Variants in POLR2F observed in about 807,000 individuals in gnomAD.
The protein encoded by POLR2F is RNA polymerase II, I and III subunit F.
Under a neutral mutation model 22.7 loss-of-function variants are expected in POLR2F, and 12 were observed. That is an observed-to-expected ratio of 0.53 (90% CI 0.34 to 0.86). The LOEUF (loss-of-function observed/expected upper bound fraction) is 0.86. POLR2F is among the 40% of genes least tolerant of loss of function. The pLI is 0.02. For missense variants in POLR2F, 126 were observed against 171.5 expected, an observed-to-expected ratio of 0.73 and a Z score of 1.48; for synonymous variants, 57 against 66.0, an observed-to-expected ratio of 0.86 and a Z score of 0.66.
chr22:38,020,252 C>T (rs1344626554), intron 1 of POLR2F, among the ~76,000 whole-genome samples: 4 of 150,620 alleles, frequency 2.7e-5, no homozygotes, highest in Admixed American at 6.6e-5. Context: ...TATATATACA[C>T]ATATATATAC....
intron 1 of POLR2F, among the ~76,000 whole-genome samples, chr22:38,023,115 C>T (rs1301867669): frequency 6.6e-6 from 1 of 152,182 alleles, no homozygotes; most frequent in Non-Finnish European, 1.5e-5. Flanking sequence ...TTGGGGTGTC[C>T]CAGCCGTCTC....
At chr22:37,975,891 T>A (rs1364949621) in intron 4 of POLR2F, among the ~76,000 whole-genome samples, 2 of 152,014 alleles carry the variant, frequency 1.3e-5, no homozygotes, top group African/African-American at 4.8e-5. Context: ...CCTCTGGATC[T>A]CACACAGACT....
rs150141736 is a variant in POLR2F, at chr22:38,017,164, C to T, written c.121-8705C>T. Among the ~76,000 whole-genome samples the T allele has an allele frequency of 2.0e-4, 30 of 152,316 alleles. No individual in the cohort carries two copies. The highest frequency in any genetic ancestry group is 6.7e-4 in the African/African-American group (28 of 41,578). On this transcript the variant is annotated intron_variant, in intron 1 of 2. Coordinates refer to the POLR2F transcript ENST00000333418. This position sits in a 1 kb window ranked among gnomAD's most constrained non-coding sequence, Gnocchi z 4.1. ...CTTGCTGTGCCACCCAAGGCAGCCT[C>T]TCTAGGTCTGGGTGCCTAAAGCCTG...
At chr22:37,965,909 G>A (rs57572569) in intron 3 of POLR2F, among the ~76,000 whole-genome samples, 5,333 of 152,236 alleles carry the variant, frequency 0.035, 303 homozygotes, top group African/African-American at 0.12. Context: ...GGAATCATCA[G>A]GGGTGGCTTC....
intron 2 of POLR2F, among the ~76,000 whole-genome samples, chr22:37,957,671 T>C (rs1931454115): frequency 6.6e-6 from 1 of 152,188 alleles, no homozygotes; most frequent in South Asian, 2.1e-4. Context: ...TTCCCATCCC[T>C]GTCATGTAGA....
rs541207156 is a variant in POLR2F at position 38,004,687 on chromosome 22, G to A, written c.120+18375G>A. Among the ~76,000 whole-genome samples, 7 of 152,340 alleles carry A rather than the reference G, an allele frequency of 4.6e-5. No homozygotes were observed. The South Asian group carries it at 1.4e-3, about 32-fold the overall frequency. ...AGGCTGGCCGCATTGGTTCATGCCTGTAATCCTAATACTTTGGGGGGCCAA... is the reference window on the plus strand; with the variant it reads ...AGGCTGGCCGCATTGGTTCATGCCTATAATCCTAATACTTTGGGGGGCCAA... On this transcript the variant is annotated intron_variant, in intron 1 of 2. Transcript: ENST00000333418.
chr22:38,011,241 A>G (rs1019551361), intron 1 of POLR2F, among the ~76,000 whole-genome samples: 5 of 151,780 alleles, frequency 3.3e-5, no homozygotes, highest in Non-Finnish European at 5.9e-5. Context: ...AGCTGGGACT[A>G]TAGGCATTCG....
At position 37,967,901 on chromosome 22, in the gene POLR2F, GTCAGCTCCTTAA is replaced by G; in HGVS notation, c.*187_*198del. ...CACCTATTCCAGTGGCCCTGTGACT[GTCAGCTCCTTAA>G]GAAGCACCAGGGGCCCTTAGCCCCT... is the stretch of plus-strand genomic sequence containing the variant. On this transcript the variant is annotated 3_prime_UTR_variant, in exon 5 of 5. Transcript: ENST00000442738. The G allele has an allele frequency of 7.5e-7, 1 of 1,328,974 alleles. No individual in the cohort carries two copies. The highest frequency in any genetic ancestry group is 9.6e-7 in the Non-Finnish European group (1 of 1,041,718). The allele number at this position is 1,328,974 out of a possible 1,614,324, so 82.3% of individuals were successfully genotyped here.
At position 37,978,681 on chromosome 22, in the gene POLR2F, C is replaced by G. The variant is rs1369219542; in HGVS notation, c.293+11511C>G. On this transcript the variant is annotated intron_variant, in intron 4 of 4. Coordinates refer to the POLR2F transcript ENST00000405557. The surrounding 1 kb of genome is among the most constrained non-coding windows in gnomAD (Gnocchi z 5.0). ...TAAAAGGATGATAACATTGGCTTAA[C>G]TTGGGTGTGGGATTGGCCAGAATAA... 3.3e-5 allele frequency among the ~76,000 whole-genome samples: 5 copies of G among 152,190 alleles called. No homozygotes were observed. The highest frequency in any genetic ancestry group is 6.5e-5 in the Admixed American group (1 of 15,286).
chr22:37,983,740 C>T (rs1390690427), upstream of POLR2F: 10 of 1,484,398 alleles, frequency 6.7e-6, no homozygotes, highest in Non-Finnish European at 8.9e-6. This position sits in a 1 kb window ranked among gnomAD's most constrained non-coding sequence, Gnocchi z 9.5. Context: ...CCTCCGAGCC[C>T]ACGGGGCTCA....
intron 1 of POLR2F, among the ~76,000 whole-genome samples, chr22:38,018,212 T>A (rs2084930718): frequency 6.6e-6 from 1 of 152,220 alleles, no homozygotes; most frequent in Non-Finnish European, 1.5e-5. Flanking sequence ...AGGCTCAGTC[T>A]GAAGTCAAGA....
intron 5 of POLR2F, among the ~76,000 whole-genome samples, chr22:38,035,370 T>C (rs1468204449): frequency 6.6e-6 from 1 of 152,128 alleles, no homozygotes; most frequent in African/African-American, 2.4e-5. Context: ...ATTTGACAGA[T>C]GAGGATGCTG....
At chr22:38,018,567 A>G (rs1214033052) in intron 1 of POLR2F, among the ~76,000 whole-genome samples, 1 of 152,166 alleles carries the variant, frequency 6.6e-6, no homozygotes, top group Non-Finnish European at 1.5e-5. Context: ...AACTAGTGTC[A>G]TGGCTCCATC....
At chr22:37,985,924 GT>G (rs1411206965), upstream of POLR2F, among the ~76,000 whole-genome samples, 2 of 151,924 alleles carry the variant, frequency 1.3e-5, no homozygotes, top group Admixed American at 6.6e-5. Context: ...TGAATTAGGA[GT>G]TTGATAAGGG....
downstream of POLR2F, among the ~76,000 whole-genome samples, chr22:38,028,497 T>C (rs994718752): frequency 2.0e-5 from 3 of 152,014 alleles, no homozygotes; most frequent in African/African-American, 4.8e-5. Flanking sequence ...TGCGTGTGTG[T>C]GTGTGCGTGT....
At chr22:38,011,711 T>C (rs1417905192) in intron 1 of POLR2F, among the ~76,000 whole-genome samples, 5 of 152,156 alleles carry the variant, frequency 3.3e-5, no homozygotes, top group Admixed American at 3.3e-4. Flanking sequence ...CTGTTCTTCT[T>C]TTCAAAATTC....
intron 1 of POLR2F, among the ~76,000 whole-genome samples, chr22:38,019,427 G>A (rs112701536): frequency 3.2e-4 from 48 of 152,286 alleles, no homozygotes; most frequent in Admixed American, 1.2e-3. Context: ...GGAGCAGTCC[G>A]TGGCCTCACA....
chr22:38,041,412 GA>G (rs1272203681), downstream of POLR2F: 12 of 390,892 alleles, frequency 3.1e-5, no homozygotes, highest in Middle Eastern at 6.7e-4. Context: ...CCAGGCGGGG[GA>G]TGGAGGGGAG....
downstream of POLR2F, among the ~76,000 whole-genome samples, chr22:37,970,179 A>G (rs893844168): frequency 3.9e-5 from 6 of 152,146 alleles, no homozygotes; most frequent in South Asian, 2.1e-4. Context: ...CTGTAATCCC[A>G]GCTACTCGGG....
Sources: gnomAD v4.1 joint callset for allele counts (sites outside exome capture counted in the v4.1 genomes callset) on GRCh38, gnomAD v4.1.1 for gene constraint, Gnocchi (gnomAD v3.1) non-coding constraint, MANE v1.5 for transcripts, NCBI Gene and HGNC (gene_info 2026-07-23, HGNC 2026-07-21) for gene names.